TENT5D: variants seen among roughly 807,000 people sequenced by gnomAD.
The protein encoded by TENT5D is cancer/testis antigen 112.
For synonymous variants in TENT5D, 103 were observed against 100.6 expected (o/e 1.02, Z -0.15); for missense variants, 191 against 287.0 (o/e 0.67, Z 2.42).
intron 1 of TENT5D, among the ~76,000 whole-genome samples, chrX:80,436,289 T>A (rs1487845009): frequency 9.0e-6 from 1 of 111,102 alleles, no homozygotes; most frequent in Non-Finnish European, 1.9e-5. Flanking sequence ...TCAAGATATC[T>A]GGGAAAATTA....
intron 3 of TENT5D, among the ~76,000 whole-genome samples, chrX:80,361,028 G>A (rs943066047): frequency 6.3e-5 from 7 of 111,493 alleles, no homozygotes; most frequent in African/African-American, 2.3e-4. Flanking sequence ...TTAGAATCAA[G>A]ATCTCCTTCC....
intron 3 of TENT5D, among the ~76,000 whole-genome samples, chrX:80,351,623 T>TA (rs1930180339): frequency 9.1e-6 from 1 of 110,365 alleles, no homozygotes; most frequent in East Asian, 2.9e-4. Context: ...GGTTTGTTAT[T>TA]ACCCAACTTC....
intron 3 of TENT5D, among the ~76,000 whole-genome samples, chrX:80,411,438 A>G (rs796457844): frequency 9.0e-6 from 1 of 111,522 alleles, no homozygotes; most frequent in South Asian, 3.8e-4. Flanking sequence ...TTCTTAAATA[A>G]CTAGTTGTTT....
intron 2 of TENT5D, among the ~76,000 whole-genome samples, chrX:80,337,491 G>GTA (rs1929873732): frequency 9.0e-6 from 1 of 111,107 alleles, no homozygotes; most frequent in African/African-American, 3.3e-5. Flanking sequence ...TTTTAATTTT[G>GTA]TATACATGAA....
At chrX:80,426,205 TG>T (rs2147562112) in intron 1 of TENT5D, among the ~76,000 whole-genome samples, 1 of 111,474 alleles carries the variant, frequency 9.0e-6, no homozygotes, top group African/African-American at 3.3e-5. Flanking sequence ...CTATTTATTT[TG>T]GGAAGCCCAT....
At chrX:80,437,031 A>G (rs899331638) in intron 1 of TENT5D, among the ~76,000 whole-genome samples, 3 of 112,181 alleles carry the variant, frequency 2.7e-5, no homozygotes, top group African/African-American at 6.5e-5. Context: ...AAGAAAAGCA[A>G]ATTTCACTGT....
intron 3 of TENT5D, among the ~76,000 whole-genome samples, chrX:80,378,250 A>G (rs770084557): frequency 2.7e-5 from 3 of 111,487 alleles, no homozygotes; most frequent in Non-Finnish European, 3.8e-5. Flanking sequence ...ATTAGATCCA[A>G]TCTGTCAATT....
chrX:80,375,034 C>A (rs1220832933), intron 3 of TENT5D, among the ~76,000 whole-genome samples: 2 of 111,147 alleles, frequency 1.8e-5, no homozygotes, highest in African/African-American at 6.5e-5. Flanking sequence ...ATAAACCTGT[C>A]TGATTTTTTC....
chrX:80,429,689 C>T (rs1175039437), intron 1 of TENT5D, among the ~76,000 whole-genome samples: 1 of 111,189 alleles, frequency 9.0e-6, no homozygotes, highest in Non-Finnish European at 1.9e-5. Flanking sequence ...TGGGCCTCCT[C>T]CTCCTGGTTT....
chrX:80,351,928 G>C (rs1459935212), intron 3 of TENT5D, among the ~76,000 whole-genome samples: 1 of 112,163 alleles, frequency 8.9e-6, no homozygotes, highest in Non-Finnish European at 1.9e-5. Context: ...GCTGCAGTTT[G>C]CTGGAGGTCT....
chrX:80,391,288 G>A (rs1931121390), intron 3 of TENT5D, among the ~76,000 whole-genome samples: 1 of 111,365 alleles, frequency 9.0e-6, no homozygotes, highest in Admixed American at 9.6e-5. Flanking sequence ...GTAGTACATA[G>A]CTGCGATATA....
At chrX:80,348,038 G>GT (rs1389831158) in intron 3 of TENT5D, among the ~76,000 whole-genome samples, 1 of 111,912 alleles carries the variant, frequency 8.9e-6, no homozygotes, top group Non-Finnish European at 1.9e-5. Context: ...CTATATATCT[G>GT]TTTTGGCACC....
intron 3 of TENT5D, among the ~76,000 whole-genome samples, chrX:80,412,071 G>A (rs1201549457): frequency 8.9e-6 from 1 of 112,735 alleles, no homozygotes; most frequent in Non-Finnish European, 1.9e-5. Context: ...TCTAGGAGGA[G>A]GTTCCCAAAC....
At chrX:80,366,530 T>C (rs1175890621) in intron 3 of TENT5D, among the ~76,000 whole-genome samples, 4 of 111,425 alleles carry the variant, frequency 3.6e-5, no homozygotes, top group Non-Finnish European at 1.9e-5. Flanking sequence ...TCTCACAGAA[T>C]GCACAAGTGC....
chrX:80,352,747 C>T (rs1490667885), intron 3 of TENT5D, among the ~76,000 whole-genome samples: 2 of 79,899 alleles, frequency 2.5e-5, no homozygotes, highest in African/African-American at 9.2e-5. Context: ...AAAAAAAAAA[C>T]TCCTGCAGCT....
At chrX:80,386,407 G>A (rs1371951313) in intron 3 of TENT5D, among the ~76,000 whole-genome samples, 4 of 110,404 alleles carry the variant, frequency 3.6e-5, no homozygotes. Flanking sequence ...GGCCTGTTGT[G>A]GGGTGGGAGG....
chrX:80,361,446 A>C (rs1475386953), intron 3 of TENT5D, among the ~76,000 whole-genome samples: 1 of 112,371 alleles, frequency 8.9e-6, no homozygotes, highest in Non-Finnish European at 1.9e-5. Flanking sequence ...ATGAGAATCA[A>C]CTGTACATGT....
intron 3 of TENT5D, among the ~76,000 whole-genome samples, chrX:80,347,343 G>T (rs1310344101): frequency 1.8e-5 from 2 of 111,900 alleles, no homozygotes; most frequent in Non-Finnish European, 3.8e-5. Context: ...AGCATCTGTT[G>T]TTTCCAGACT....
chrX:80,398,870 C>G (rs934674804), intron 3 of TENT5D, among the ~76,000 whole-genome samples: 4 of 110,954 alleles, frequency 3.6e-5, no homozygotes, highest in Non-Finnish European at 7.6e-5. Flanking sequence ...TCTATGGAAC[C>G]ATGAAAGACC....
Sources: gnomAD v4.1 joint callset for allele counts (sites outside exome capture counted in the v4.1 genomes callset) on GRCh38, gnomAD v4.1.1 for gene constraint, MANE v1.5 for transcripts, NCBI Gene and HGNC (gene_info 2026-07-23, HGNC 2026-07-21) for gene names.